RIMS1: variants seen among roughly 807,000 people sequenced by gnomAD.
RIMS1 encodes regulating synaptic membrane exocytosis protein 1.
RIMS1 carries 83 observed loss-of-function variants against 214.1 expected under a neutral mutation model. That is an observed-to-expected ratio of 0.39 (90% confidence interval 0.32 to 0.47). The LOEUF (loss-of-function observed/expected upper bound fraction) is 0.47, where lower values mean the gene tolerates loss of function less well. Ranked by LOEUF, RIMS1 falls within the 20% of genes least tolerant of loss-of-function variation. The probability of loss-of-function intolerance (pLI) is 0.99; values close to 1 mark genes in which losing one functional copy is unlikely to be tolerated. For missense variants in RIMS1, 2,050 were observed against 2,161.8 expected (o/e 0.95, Z 1.03); for synonymous variants, 793 against 786.8 (o/e 1.01, Z -0.13).
intron 1 of RIMS1, among the ~76,000 whole-genome samples, chr6:71,966,955 T>A (rs963611561): frequency 3.3e-5 from 5 of 152,256 alleles, no homozygotes; most frequent in Admixed American, 2.6e-4. Context: ...TAGATTTGTT[T>A]TATTTGAAAG....
At chr6:72,113,554 G>T (rs1457588640) in intron 4 of RIMS1, among the ~76,000 whole-genome samples, 1 of 152,030 alleles carries the variant, frequency 6.6e-6, no homozygotes, top group Non-Finnish European at 1.5e-5. Flanking sequence ...CTTTTATGTT[G>T]ACATTTTACA....
chr6:71,893,927 T>C (rs77943238), intron 1 of RIMS1, among the ~76,000 whole-genome samples: 3,800 of 152,366 alleles, frequency 0.025, 70 homozygotes, highest in Middle Eastern at 0.054. Flanking sequence ...TTATTATGTA[T>C]GGTAACCCCT....
intron 5 of RIMS1, among the ~76,000 whole-genome samples, chr6:72,180,594 A>C (rs1308025271): frequency 1.3e-5 from 2 of 152,234 alleles, no homozygotes; most frequent in African/African-American, 4.8e-5. Context: ...ATATGATCAG[A>C]TTATTTACTT....
chr6:72,340,602 C>T (rs771029243), intron 29 of RIMS1, among the ~76,000 whole-genome samples: 12 of 151,586 alleles, frequency 7.9e-5, no homozygotes, highest in Non-Finnish European at 1.5e-4. Flanking sequence ...TGTAGATATG[C>T]GGCATTATGC....
intron 1 of RIMS1, among the ~76,000 whole-genome samples, chr6:71,888,967 GCTGT>G (rs1478035872): frequency 1.3e-5 from 2 of 152,192 alleles, no homozygotes; most frequent in Non-Finnish European, 2.9e-5. Context: ...TGATAGTGCT[GCTGT>G]CTGTCTGTCT....
chr6:71,984,451 A>T (rs1211770217), intron 2 of RIMS1, among the ~76,000 whole-genome samples: 1 of 152,056 alleles, frequency 6.6e-6, no homozygotes, highest in Admixed American at 6.6e-5. Flanking sequence ...TATGAAAAAA[A>T]TGTAGAAACC....
intron 6 of RIMS1, among the ~76,000 whole-genome samples, chr6:72,205,443 G>A (rs1302464694): frequency 6.6e-6 from 1 of 152,066 alleles, no homozygotes; most frequent in Non-Finnish European, 1.5e-5. Flanking sequence ...TCTTTCTTTG[G>A]GAAACCATGA....
intron 18 of RIMS1, among the ~76,000 whole-genome samples, chr6:72,259,693 G>A (rs12526116): frequency 0.075 from 11,422 of 152,020 alleles, 631 homozygotes; most frequent in East Asian, 0.28. Flanking sequence ...AATATTTCAC[G>A]GAAATAATTA....
intron 4 of RIMS1, among the ~76,000 whole-genome samples, chr6:72,133,673 G>A (rs1403410370): frequency 6.6e-6 from 1 of 152,096 alleles, no homozygotes; most frequent in African/African-American, 2.4e-5. Context: ...ACTGACTGTG[G>A]ATGACACCAA....
At chr6:72,396,637 A>G (rs1156305474) in intron 31 of RIMS1, among the ~76,000 whole-genome samples, 1 of 152,236 alleles carries the variant, frequency 6.6e-6, no homozygotes, top group African/African-American at 2.4e-5. Context: ...GGAATGTCCT[A>G]GATCTCAACA....
intron 15 of RIMS1, among the ~76,000 whole-genome samples, chr6:72,251,616 G>A (rs1482561060): frequency 6.6e-6 from 1 of 152,118 alleles, no homozygotes; most frequent in East Asian, 1.9e-4. Context: ...CTTGCACAGG[G>A]CCAATTGAGC....
intron 1 of RIMS1, among the ~76,000 whole-genome samples, chr6:71,950,227 T>A (rs1350026576): frequency 6.6e-6 from 1 of 152,190 alleles, no homozygotes; most frequent in African/African-American, 2.4e-5. Context: ...GGAGGTTGAC[T>A]ACAAGAGATA....
At chr6:72,317,034 A>T in intron 28 of RIMS1, 1 of 378,950 alleles carries the variant, frequency 2.6e-6, no homozygotes, top group Non-Finnish European at 5.2e-6. Flanking sequence ...GGCTGGGAAG[A>T]GGGCAGAGAG....
intron 2 of RIMS1, among the ~76,000 whole-genome samples, chr6:72,061,262 A>G (rs1217771723): frequency 3.3e-5 from 5 of 152,228 alleles, no homozygotes; most frequent in African/African-American, 1.2e-4. Flanking sequence ...TATACAAACT[A>G]TAAAAAAACT....
At chr6:72,224,843 C>T (rs1307250649) in intron 6 of RIMS1, among the ~76,000 whole-genome samples, 2 of 152,140 alleles carry the variant, frequency 1.3e-5, no homozygotes, top group African/African-American at 4.8e-5. Flanking sequence ...ACCAGTTTTT[C>T]ATTGAGTCAG....
At chr6:72,306,415 A>G (rs971438296) in intron 26 of RIMS1, among the ~76,000 whole-genome samples, 2 of 152,140 alleles carry the variant, frequency 1.3e-5, no homozygotes, top group African/African-American at 2.4e-5. Context: ...ACTGTACCTT[A>G]GCTGTTTCTT....
At chr6:72,278,718 A>G (rs189709780) in intron 23 of RIMS1, among the ~76,000 whole-genome samples, 1 of 152,240 alleles carries the variant, frequency 6.6e-6, no homozygotes, top group Admixed American at 6.5e-5. Context: ...TCTATTTAAT[A>G]GCTACAGTCG....
chr6:72,038,109 AAAAAAAAAAATATATATATATATATAT>A (rs1820293671), intron 2 of RIMS1, among the ~76,000 whole-genome samples: 1 of 81,900 alleles, frequency 1.2e-5, no homozygotes, highest in African/African-American at 7.0e-5. Flanking sequence ...AAAAAAAAAA[AAAAAAAAAAATATATATATATATATAT>A]ATATATATAT....
chr6:72,210,472 A>G (rs1384334125), intron 6 of RIMS1, among the ~76,000 whole-genome samples: 5 of 152,200 alleles, frequency 3.3e-5, no homozygotes, highest in African/African-American at 1.2e-4. Flanking sequence ...ATCTGCTAAC[A>G]TCTCTGTAAA....
Sources: gnomAD v4.1 joint callset for allele counts (sites outside exome capture counted in the v4.1 genomes callset) on GRCh38, gnomAD v4.1.1 for gene constraint, MANE v1.5 for transcripts, NCBI Gene and HGNC (gene_info 2026-07-23, HGNC 2026-07-21) for gene names.